The following ACTN1 variants were observed in gnomAD, a reference collection of about 807,000 sequenced individuals.
The protein encoded by ACTN1 is actinin alpha 1.
A neutral mutation model predicts 119.6 loss-of-function variants in ACTN1; 30 were observed. The ratio of observed to expected loss-of-function variants is 0.25; its 90% confidence interval spans 0.19 to 0.34. The LOEUF (loss-of-function observed/expected upper bound fraction) is 0.34. Ranked by LOEUF, ACTN1 falls within the 10% of genes least tolerant of loss-of-function variation. ACTN1 has a pLI of 1.00. For synonymous variants in ACTN1, 429 were observed against 472.6 expected (o/e 0.91, Z 1.20); for missense variants, 764 against 1,223.4 (o/e 0.62, Z 5.60).
At chr14:68,876,861 G>A (rs1340441909) in intron 21 of ACTN1, among the ~76,000 whole-genome samples, 1 of 152,194 alleles carries the variant, frequency 6.6e-6, no homozygotes, top group Non-Finnish European at 1.5e-5. Flanking sequence ...TCACTGGCAT[G>A]CAGTGATCCT....
rs1318300472 is a variant in ACTN1 at position 68,923,009 on chromosome 14, A to C, written c.221-1884T>G. ...AGGGGAGAACAGATCATTTCACAGA[A>C]CAGATCTTTCCCAACCCTGGCAAAG... On this transcript the variant is annotated intron_variant, in intron 2 of 21. Coordinates refer to ENST00000394419, the MANE Select transcript of ACTN1 (RefSeq NM_001130004.2). Among the ~76,000 whole-genome samples the C allele has an allele frequency of 8.5e-5, 13 of 152,208 alleles. 1 individual carries two copies. The highest frequency in any genetic ancestry group is 8.5e-4 in the Admixed American group (13 of 15,284).
At position 68,970,265 on chromosome 14, in the gene ACTN1, T is replaced by C. The variant is rs115096199; in HGVS notation, c.105+8687A>G. Among the ~76,000 whole-genome samples, 1,176 of 152,230 alleles carry C rather than the reference T, an allele frequency of 7.7e-3. 16 individuals are homozygous for C. The highest frequency in any genetic ancestry group is 0.027 in the African/African-American group (1,126 of 41,542). ...GATTTAGGCCTGGAAGGTTCAAAGC[T>C]GGGGGTCAGGAAATGGCACTGCCCC... On this transcript the variant is annotated intron_variant, in intron 1 of 21. Coordinates refer to ENST00000394419, the MANE Select transcript of ACTN1 (RefSeq NM_001130004.2).
rs565458454 is a variant in ACTN1 at position 68,882,760 on chromosome 14, G to C, written c.1818+113C>G. The C allele has an allele frequency of 2.0e-6, 3 of 1,510,544 alleles. No individual in the cohort carries two copies. The highest frequency in any genetic ancestry group is 2.7e-6 in the Non-Finnish European group (3 of 1,108,582). The allele number at this position is 1,510,544 out of a possible 1,614,324, so 93.6% of individuals were successfully genotyped here. On this transcript the variant is annotated intron_variant, in intron 15 of 21. Transcript: ENST00000394419. This position sits in a 1 kb window ranked among gnomAD's most constrained non-coding sequence, Gnocchi z 4.5. ...GTCATTTGACATTTGGACAAACAAT[G>C]AGTGTTTACTATATGACAATTTTAA...
At chr14:68,954,720 T>G (rs1309012098) in intron 1 of ACTN1, among the ~76,000 whole-genome samples, 2 of 152,238 alleles carry the variant, frequency 1.3e-5, no homozygotes, top group Non-Finnish European at 2.9e-5. Context: ...CTAAAGGGTC[T>G]GAGCATTTTC....
In ACTN1 at chr14:68,878,436, C is replaced by T; in HGVS notation, c.2427+22G>A. 6.5e-7 allele frequency: 1 copy of T among 1,534,940 alleles called. No individual in the cohort carries two copies. Among genetic ancestry groups the T allele is most frequent in the African/African-American group, 1.4e-5 (1 of 72,562 alleles). On this transcript the variant is annotated intron_variant, in intron 20 of 21. Transcript: ENST00000394419. The surrounding 1 kb of genome is among the most constrained non-coding windows in gnomAD (Gnocchi z 4.4). ...CTGGCTGCCTTCTCACCAGGGCAGA[C>T]AGAGGGTGGGGTTTACGTTACCATG...
At chr14:68,890,420 C>A (rs941443653) in intron 10 of ACTN1, 134 bp from the exon 11 acceptor site, 4 of 1,064,520 alleles carry the variant, frequency 3.8e-6, no homozygotes, top group Non-Finnish European at 5.2e-6. Context: ...CATATCCACC[C>A]TAGCCAGGCT....
At chr14:68,965,500 T>C (rs977253316) in intron 1 of ACTN1, among the ~76,000 whole-genome samples, 2 of 152,192 alleles carry the variant, frequency 1.3e-5, no homozygotes, top group African/African-American at 2.4e-5. Flanking sequence ...AAAGGACCAA[T>C]TATGATCAGT....
At chr14:68,927,864 T>A (rs998869739) in intron 1 of ACTN1, among the ~76,000 whole-genome samples, 1 of 152,258 alleles carries the variant, frequency 6.6e-6, no homozygotes, top group African/African-American at 2.4e-5. Context: ...GACACTGGTC[T>A]GCCCAGTGTC....
chr14:68,883,518 TC>T (rs2031739078), intron 14 of ACTN1: 1 of 154,808 alleles, frequency 6.5e-6, no homozygotes, highest in African/African-American at 2.4e-5. Flanking sequence ...ATGCCTGTAA[TC>T]CCAGCACTTT....
chr14:68,909,471 G>T lies in ACTN1; in HGVS notation c.516-75C>A. 7.1e-7 allele frequency: 1 copy of T among 1,402,322 alleles called. No individual in the cohort carries two copies. Among genetic ancestry groups the T allele is most frequent in the East Asian group, 2.3e-5 (1 of 42,932 alleles). The allele number at this position is 1,402,322 out of a possible 1,614,324, so 86.9% of individuals were successfully genotyped here. A position where few individuals can be genotyped will look rare whatever the true frequency, so the allele number is the denominator to read the frequency against. On this transcript the variant is annotated intron_variant, in intron 5 of 21. Coordinates refer to ENST00000394419, the MANE Select transcript of ACTN1 (RefSeq NM_001130004.2). This position sits in a 1 kb window ranked among gnomAD's most constrained non-coding sequence, Gnocchi z 4.1. ...AACGGGCAACCAGGGCAAAGCAGGG[G>T]CCTCCTAGACACCAGAGAGATGAAC...
rs1453153462 is a variant in ACTN1, at chr14:68,887,384, AAAAC to A, written c.1235-1813_1235-1810del. 5.8e-6 allele frequency: 3 copies of A among 516,568 alleles called. No individual in the cohort carries two copies. In the Admixed American group the frequency reaches 1.2e-4, roughly 21 times the overall value. The allele number at this position is 516,568 out of a possible 1,614,324, so 32.0% of individuals were successfully genotyped here. A position where few individuals can be genotyped will look rare whatever the true frequency, so the allele number is the denominator to read the frequency against. On this transcript the variant is annotated intron_variant, in intron 11 of 21. Coordinates refer to ENST00000394419, the MANE Select transcript of ACTN1 (RefSeq NM_001130004.2). ...TTCTTTAGGAAACAATTCTACTAAA[AAAAC>A]AACATGGCAACAGAAGTAATTTAAA...
chr14:68,954,186 A>G (rs1199986056), intron 1 of ACTN1, among the ~76,000 whole-genome samples: 2 of 152,164 alleles, frequency 1.3e-5, no homozygotes, highest in Non-Finnish European at 2.9e-5. Context: ...CCTAATTATC[A>G]TTTTTAAAGG....
At chr14:68,890,308 G>T in intron 10 of ACTN1, 22 bp from the exon 11 acceptor site, 1 of 1,613,486 alleles carries the variant, frequency 6.2e-7, no homozygotes, top group Non-Finnish European at 8.5e-7. Context: ...GGAGGTACAG[G>T]GTCAGGGTCT....
At chr14:68,887,943 TG>T (rs1212583171) in intron 11 of ACTN1, 30 of 873,674 alleles carry the variant, frequency 3.4e-5, no homozygotes, top group Non-Finnish European at 5.6e-5. Context: ...TGCACTTTTT[TG>T]TCTGAAGATT....
intron 2 of ACTN1, among the ~76,000 whole-genome samples, chr14:68,923,622 C>T (rs182783868): frequency 1.3e-5 from 2 of 151,600 alleles, no homozygotes; most frequent in Admixed American, 1.3e-4. Context: ...CCAGCCTGGC[C>T]AACATGGTGG....
In ACTN1 at chr14:68,885,381, C is replaced by A; in HGVS notation, c.1385+44G>T. 1 of 1,567,702 alleles carries A rather than the reference C, an allele frequency of 6.4e-7. No homozygotes were observed. The highest frequency in any genetic ancestry group is 8.7e-7 in the Non-Finnish European group (1 of 1,153,242). ...TCCCCCAGCAGCTGAGAAAGCCCAG[C>A]CTCAGCCCCTCACCACAGGGTAGGG... is the stretch of plus-strand genomic sequence containing the variant. On this transcript the variant is annotated intron_variant, in intron 12 of 21. Coordinates refer to ENST00000394419, the MANE Select transcript of ACTN1 (RefSeq NM_001130004.2). This position sits in a 1 kb window ranked among gnomAD's most constrained non-coding sequence, Gnocchi z 5.6.
At chr14:68,977,874 TG>T (rs2037118388) in intron 1 of ACTN1, 1 of 445,412 alleles carries the variant, frequency 2.2e-6, no homozygotes, top group Admixed American at 2.4e-5. Flanking sequence ...AGGGACCGGA[TG>T]GAAGTGGGCA....
intron 7 of ACTN1, among the ~76,000 whole-genome samples, chr14:68,903,873 C>G (rs960061012): frequency 1.3e-5 from 2 of 152,208 alleles, no homozygotes; most frequent in Non-Finnish European, 2.9e-5. Flanking sequence ...ATGGTAAGGT[C>G]AGCAGCCAGG....
intron 7 of ACTN1, among the ~76,000 whole-genome samples, chr14:68,904,274 A>G (rs2033528336): frequency 6.6e-6 from 1 of 152,170 alleles, no homozygotes; most frequent in South Asian, 2.1e-4. Context: ...GAGACCACCC[A>G]GGGCTCAGAG....
Sources: allele counts gnomAD v4.1 joint callset (sites outside exome capture counted in the v4.1 genomes callset), GRCh38; gene constraint gnomAD v4.1.1; non-coding constraint Gnocchi (gnomAD v3.1); transcripts MANE v1.5; gene names NCBI Gene and HGNC (gene_info 2026-07-23, HGNC 2026-07-21).